TSPAN11: variants seen among roughly 807,000 people sequenced by gnomAD.
TSPAN11 encodes the protein tetraspanin 11.
A neutral mutation model predicts 32.9 loss-of-function variants in TSPAN11; 29 were observed. The observed-to-expected ratio is 0.88, with a 90% CI of 0.66 to 1.20. The LOEUF (loss-of-function observed/expected upper bound fraction) is 1.20. Among genes scored for constraint, TSPAN11 ranks in the 50% most tolerant of loss-of-function variants. TSPAN11 has a pLI of 0.00. For missense variants in TSPAN11, 283 were observed against 329.1 expected (o/e 0.86, Z 1.08); for synonymous variants, 140 against 141.3 (o/e 0.99, Z 0.07).
chr12:30,946,773 C>T (rs1938276523), intron 1 of TSPAN11, among the ~76,000 whole-genome samples: 1 of 152,146 alleles, frequency 6.6e-6, no homozygotes, highest in Non-Finnish European at 1.5e-5. Context: ...CTTTCAGAGG[C>T]CAAAGAAAAG....
intron 1 of TSPAN11, among the ~76,000 whole-genome samples, chr12:30,946,917 A>G (rs1938280253): frequency 6.6e-6 from 1 of 151,976 alleles, no homozygotes; most frequent in Admixed American, 6.6e-5. Flanking sequence ...CCTGCCCCCT[A>G]CTGTCTGGCT....
At chr12:30,987,319 C>A (rs1939219525) in intron 7 of TSPAN11, among the ~76,000 whole-genome samples, 6 of 152,126 alleles carry the variant, frequency 3.9e-5, no homozygotes. Context: ...ACAGTGGGAT[C>A]ACCTGACAAG....
intron 1 of TSPAN11, among the ~76,000 whole-genome samples, chr12:30,951,089 G>A (rs59544024): frequency 0.01 from 1,558 of 152,302 alleles, 26 homozygotes; most frequent in African/African-American, 0.036. Context: ...TATAGAAGAC[G>A]TGAAAAGTAC....
intron 1 of TSPAN11, among the ~76,000 whole-genome samples, chr12:30,936,631 T>C (rs1398444304): frequency 6.6e-6 from 1 of 152,022 alleles, no homozygotes; most frequent in Non-Finnish European, 1.5e-5. Context: ...GTGATAAAGC[T>C]GAGAAAAAGG....
chr12:30,991,771 A>T, intron 7 of TSPAN11, 85 bp from the exon 8 acceptor site: 2 of 1,458,046 alleles, frequency 1.4e-6, no homozygotes, highest in Middle Eastern at 1.7e-4. Context: ...TATTCGAGTG[A>T]GCAGCACTGC....
chr12:30,945,879 C>T (rs1192675925), intron 1 of TSPAN11, among the ~76,000 whole-genome samples: 2 of 152,194 alleles, frequency 1.3e-5, no homozygotes, highest in Non-Finnish European at 2.9e-5. Flanking sequence ...CCCCCTGAAT[C>T]CCAGCTTTGT....
At chr12:31,007,193 A>AT in the TSPAN11 span, among the ~76,000 whole-genome samples, 19 of 152,048 alleles carry the variant, frequency 1.2e-4, no homozygotes, top group Non-Finnish European at 2.4e-4. Context: ...TATCTTACCC[A>AT]TTTTTTTTCC....
chr12:30,998,980 A>G (rs1356590315), downstream of TSPAN11: 2 of 152,218 alleles, frequency 1.3e-5, no homozygotes, highest in Non-Finnish European at 2.9e-5. Context: ...TCCTCAACAT[A>G]TGATGGGGCT....
chr12:30,995,259 C>A lies in TSPAN11; in HGVS notation c.*3344C>A, dbSNP rs1456347063. Reference sequence around the variant, plus strand: ...ATCTCATGTCCACATGGAGGTCACCCCTCAGGTCACACCCACTCCCAGAGC... The same window carrying A: ...ATCTCATGTCCACATGGAGGTCACCACTCAGGTCACACCCACTCCCAGAGC... On this transcript the variant is annotated 3_prime_UTR_variant, in exon 8 of 8. Transcript: ENST00000546076. 6.6e-6 allele frequency: 1 copy of A among 152,332 alleles called. No homozygotes were observed. Among genetic ancestry groups the A allele is most frequent in the Non-Finnish European group, 1.5e-5 (1 of 68,122 alleles). The allele number at this position is 152,332 out of a possible 1,614,324, so 9.4% of individuals were successfully genotyped here.
At chr12:30,956,042 G>A (rs1592473311) in intron 2 of TSPAN11, among the ~76,000 whole-genome samples, 1 of 152,194 alleles carries the variant, frequency 6.6e-6, no homozygotes, top group Admixed American at 6.5e-5. Flanking sequence ...GGCAGGAGAC[G>A]GTGGTGACTT....
chr12:31,016,349 G>T, the TSPAN11 span, among the ~76,000 whole-genome samples: 1 of 152,186 alleles, frequency 6.6e-6, no homozygotes. Flanking sequence ...GCACAGCAGT[G>T]TGATGTGCTA....
chr12:30,984,858 G>C (rs1216913045), intron 7 of TSPAN11, among the ~76,000 whole-genome samples: 1 of 152,144 alleles, frequency 6.6e-6, no homozygotes, highest in East Asian at 1.9e-4. Flanking sequence ...GCACCCAGCT[G>C]TTCTCCACAT....
intron 1 of TSPAN11, among the ~76,000 whole-genome samples, chr12:30,945,735 A>G (rs1037875167): frequency 6.6e-6 from 1 of 151,912 alleles, no homozygotes; most frequent in Non-Finnish European, 1.5e-5. Flanking sequence ...AGCCCATGAC[A>G]TTACACATCC....
chr12:31,012,257 C>A, the TSPAN11 span, among the ~76,000 whole-genome samples: 4 of 152,212 alleles, frequency 2.6e-5, no homozygotes, highest in Non-Finnish European at 5.9e-5. Context: ...AGCAGGGAAC[C>A]CCCAGGATGG....
intron 2 of TSPAN11, among the ~76,000 whole-genome samples, chr12:30,961,703 G>A (rs1415242158): frequency 6.6e-6 from 1 of 152,000 alleles, no homozygotes; most frequent in African/African-American, 2.4e-5. Flanking sequence ...GTAGTTACAG[G>A]TTGGGAACCA....
In TSPAN11 at chr12:30,963,942, G is replaced by A. The variant is rs550165774; in HGVS notation, c.201G>A (p.Ala67=). The change falls in exon 3 of 8, where the codon GCG becomes GCA. Residue 67 remains alanine (A), a synonymous_variant. Transcript: ENST00000546076. ...FAASAYILIF[A]GVLVMVTGFL... ...CCTCCGCCTACATCCTCATCTTTGC[G>A]GGCGTACTTGTCATGGTGACCGGCT... 276 of 1,614,056 alleles carry A rather than the reference G, an allele frequency of 1.7e-4. 1 individual carries two copies. In the East Asian group the frequency reaches 4.0e-3, roughly 23 times the overall value.
At chr12:30,962,939 G>A (rs1168340165) in intron 2 of TSPAN11, among the ~76,000 whole-genome samples, 1 of 152,096 alleles carries the variant, frequency 6.6e-6, no homozygotes, top group African/African-American at 2.4e-5. Context: ...GCCCTTCTGG[G>A]TCCAACAGTC....
chr12:30,981,055 G>A (rs1223447834), intron 5 of TSPAN11, among the ~76,000 whole-genome samples: 1 of 152,216 alleles, frequency 6.6e-6, no homozygotes, highest in African/African-American at 2.4e-5. Context: ...TTGCTTAAGT[G>A]AAGAGGGTGG....
chr12:30,998,343 C>T (rs1024167669), downstream of TSPAN11, among the ~76,000 whole-genome samples: 2 of 152,228 alleles, frequency 1.3e-5, no homozygotes, highest in Non-Finnish European at 1.5e-5. Context: ...AGTGCTGATG[C>T]CTCATGTCAG....
Sources: gnomAD v4.1 joint callset for allele counts (sites outside exome capture counted in the v4.1 genomes callset) on GRCh38, gnomAD v4.1.1 for gene constraint, MANE v1.5 for transcripts, NCBI Gene and HGNC (gene_info 2026-07-23, HGNC 2026-07-21) for gene names.